Variants in PASK observed in about 807,000 individuals in gnomAD.
PASK encodes PAS domain-containing serine/threonine-protein kinase.
A neutral mutation model predicts 121.0 loss-of-function variants in PASK; 110 were observed. The ratio of observed to expected loss-of-function variants is 0.91; its 90% CI spans 0.78 to 1.06. The LOEUF (loss-of-function observed/expected upper bound fraction) is 1.06. PASK is among the 50% of genes least tolerant of loss of function. The pLI, the probability that PASK is intolerant of heterozygous loss-of-function variation, is 0.00. For synonymous variants in PASK, 686 were observed against 717.8 expected, an observed-to-expected ratio of 0.96 and a Z score of 0.71; for missense variants, 1,643 against 1,702.3, an observed-to-expected ratio of 0.97 and a Z score of 0.61.
intron 6 of PASK, among the ~76,000 whole-genome samples, chr2:241,137,536 AGCAGGGAG>A (rs1189052795): frequency 3.3e-5 from 5 of 150,558 alleles, no homozygotes; most frequent in Admixed American, 6.6e-5. Context: ...GCCGGGCACC[AGCAGGGAG>A]GGAGGGAGGG....
rs529787809 is a variant in PASK at position 241,112,840 on chromosome 2, A to T, written c.3334-401T>A. 155 of 233,830 alleles carry T rather than the reference A, an allele frequency of 6.6e-4. 1 individual carries two copies. The highest frequency in any genetic ancestry group is 1.2e-3 in the Non-Finnish European group (137 of 117,252). 14.5% of individuals were successfully genotyped at this position (233,830 alleles called of 1,614,324 possible). A position where few individuals can be genotyped will look rare whatever the true frequency, so the allele number is the denominator to read the frequency against. ...GTGAATGGGTGCAGGTTTGGTGTTAAGTGGGAAGTACCCAAGAGAAAGCAC... is the reference window on the plus strand; with the variant it reads ...GTGAATGGGTGCAGGTTTGGTGTTATGTGGGAAGTACCCAAGAGAAAGCAC... On this transcript the variant is annotated intron_variant, in intron 14 of 17. Coordinates refer to ENST00000234040, the MANE Select transcript of PASK (RefSeq NM_015148.4). The surrounding 1 kb of genome is among the most constrained non-coding windows in gnomAD (Gnocchi z 5.2).
chr2:241,122,735 CTTG>C lies in PASK; in HGVS notation c.3066_3068del (p.Asn1022del), dbSNP rs1399056087. 1.2e-6 allele frequency: 2 copies of C among 1,613,940 alleles called. No individual in the cohort carries two copies. The highest frequency in any genetic ancestry group is 1.7e-6 in the Non-Finnish European group (2 of 1,179,830). On this transcript the variant is annotated inframe_deletion, in exon 12 of 18. Coordinates refer to ENST00000234040, the MANE Select transcript of PASK (RefSeq NM_015148.4). ...TCCCCCCCCACAGCCAGGTTACCTCCTTGTTTTTTTCCTTGTCCACAGCAGTCC... is the reference window on the plus strand; with the variant it reads ...TCCCCCCCCACAGCCAGGTTACCTCCTTTTTTTCCTTGTCCACAGCAGTCC...
intron 14 of PASK, chr2:241,114,378 C>T: frequency 1.0e-6 from 1 of 986,238 alleles, no homozygotes; most frequent in Non-Finnish European, 1.2e-6. Context: ...GTTGTCTACA[C>T]AGCCCTTTGC....
rs1029039116 is a variant in PASK, at chr2:241,108,937, C to CT, written c.3534-638dup. Reference sequence around the variant, plus strand: ...ACACCCAAAGGACTATTGTTACTTCCTGTCGCCGTAAACATCCTCATCCAC... The same window carrying CT: ...ACACCCAAAGGACTATTGTTACTTCCTTGTCGCCGTAAACATCCTCATCCAC... On this transcript the variant is annotated intron_variant, in intron 15 of 17. Coordinates refer to ENST00000234040, the MANE Select transcript of PASK (RefSeq NM_015148.4). This position sits in a 1 kb window ranked among gnomAD's most constrained non-coding sequence, Gnocchi z 5.2. The CT allele has an allele frequency of 6.3e-5, 10 of 159,450 alleles. No homozygotes were observed. Among genetic ancestry groups the CT allele is most frequent in the African/African-American group, 2.4e-4 (10 of 41,538 alleles). 9.9% of individuals were successfully genotyped at this position (159,450 alleles called of 1,614,324 possible). A position where few individuals can be genotyped will look rare whatever the true frequency, so the allele number is the denominator to read the frequency against.
chr2:241,140,690 A>G lies in PASK; in HGVS notation c.260T>C (p.Leu87Pro). 1 of 1,614,130 alleles carries G rather than the reference A, an allele frequency of 6.2e-7. No homozygotes were observed. The highest frequency in any genetic ancestry group is 1.1e-5 in the South Asian group (1 of 91,078). ...LAAQNICTSK[L>P]HCPAAPEHTD... ...GTGCTCAGGGGCAGCAGGGCAGTGC[A>G]GTTTACTTGTACAAATATTCTGGGC... Residue 87 changes from leucine to proline, a missense_variant, in exon 3 of 18, where the codon CTG (leucine) becomes CCG (proline). By Grantham distance (98) the Leu-to-Pro change is moderately conservative. Transcript: ENST00000234040.
At position 241,126,238 on chromosome 2, in the gene PASK, C is replaced by A; in HGVS notation, c.2677G>T (p.Ala893Ser). Residue 893 changes from alanine (A) to serine (S), a missense_variant, in exon 10 of 18, where the codon GCC becomes TCC. Physicochemically the swap from Ala to Ser is moderately conservative, Grantham distance 99. This residue lies in a region of PASK where 1,176 missense variants were observed against 1,162.2 expected (regional missense o/e 1.01). Coordinates refer to ENST00000234040, the MANE Select transcript of PASK (RefSeq NM_015148.4). ...AGLQREIQEG[A>S]YSGSCYHRDG... ...CGATGGTAGCAGCTCCCGGAGTAGG[C>A]ACCCTCCTGGATCTCCCGCTGCAGG... is the stretch of plus-strand genomic sequence containing the variant. 1.2e-6 allele frequency: 2 copies of A among 1,614,116 alleles called. No individual in the cohort carries two copies. Among genetic ancestry groups the A allele is most frequent in the Non-Finnish European group, 1.7e-6 (2 of 1,180,024 alleles).
Position 241,141,156 on chromosome 2 carries a change from G to A in PASK, c.197-403C>T, listed in dbSNP as rs147254238. On this transcript the variant is annotated intron_variant, in intron 2 of 17. Coordinates refer to ENST00000234040, the MANE Select transcript of PASK (RefSeq NM_015148.4). ...GTAAAAATCAGTTGGGCATAGTGGC[G>A]TGCCCTTGCAGCCCCATCTACTCAG... Among the ~76,000 whole-genome samples the A allele has an allele frequency of 9.7e-4, 148 of 152,232 alleles. 2 individuals are homozygous for A. In the East Asian group the frequency reaches 0.027, roughly 28 times the overall value.
upstream of PASK, chr2:241,149,687 T>G: frequency 6.5e-7 from 1 of 1,549,784 alleles, no homozygotes; most frequent in Non-Finnish European, 8.7e-7. Flanking sequence ...TGCGGTTTCC[T>G]CCCGACTCGC....
chr2:241,138,915 C>T, intron 4 of PASK, 121 bp from the exon 5 acceptor site: 1 of 923,370 alleles, frequency 1.1e-6, no homozygotes, highest in Non-Finnish European at 1.7e-6. Flanking sequence ...TTCTGCTTAC[C>T]TGATTTTCAT....
At chr2:241,149,356 C>CT (rs1007111062) in intron 1 of PASK, 58 bp downstream of exon 1, 16 of 318,646 alleles carry the variant, frequency 5.0e-5, no homozygotes, top group Non-Finnish European at 8.8e-5. Context: ...GCAGGCCCCA[C>CT]AGCCGCCCTG....
chr2:241,106,860 G>C (rs2125397183), intron 17 of PASK, 137 bp from the exon 18 acceptor site: 1 of 846,270 alleles, frequency 1.2e-6, no homozygotes, highest in Middle Eastern at 2.8e-4. Context: ...TGTCCCGGAA[G>C]TACAGATCCT....
chr2:241,106,228 A>C lies in PASK; in HGVS notation c.*338T>G. 1 of 358,870 alleles carries C rather than the reference A, an allele frequency of 2.8e-6. No individual in the cohort carries two copies. Among genetic ancestry groups the C allele is most frequent in the Non-Finnish European group, 5.2e-6 (1 of 192,154 alleles). 22.2% of individuals were successfully genotyped at this position (358,870 alleles called of 1,614,324 possible). ...TCCGTCACTCAGATGAGCATATACC[A>C]AGTCAGAGGAAACAAAACATGCACA... On this transcript the variant is annotated 3_prime_UTR_variant, in exon 18 of 18. Transcript: ENST00000234040.
chr2:241,149,861 C>T, upstream of PASK: 1 of 1,459,320 alleles, frequency 6.9e-7, no homozygotes, highest in Non-Finnish European at 9.0e-7. Context: ...GCCCAGCTGG[C>T]GCCCCGGAGC....
At chr2:241,145,004 C>G (rs1351839257) in intron 1 of PASK, among the ~76,000 whole-genome samples, 1 of 152,174 alleles carries the variant, frequency 6.6e-6, no homozygotes, top group Admixed American at 6.5e-5. Context: ...ACCTCCGCCT[C>G]CCGGGTTCAC....
At chr2:241,146,147 G>A (rs1212052585) in intron 1 of PASK, among the ~76,000 whole-genome samples, 1 of 152,096 alleles carries the variant, frequency 6.6e-6, no homozygotes, top group Non-Finnish European at 1.5e-5. Flanking sequence ...TCAAGAAATA[G>A]GAACAAGCGT....
At chr2:241,149,772 C>T (rs913735709), upstream of PASK, 13 of 1,537,346 alleles carry the variant, frequency 8.5e-6, no homozygotes, top group Admixed American at 2.2e-4. Flanking sequence ...CGGGGCGGCT[C>T]GTTCATGGGC....
upstream of PASK, chr2:241,150,325 G>C (rs1008308817): frequency 1.7e-5 from 22 of 1,323,816 alleles, no homozygotes; most frequent in Non-Finnish European, 2.1e-5. Flanking sequence ...GGCGCGGCGC[G>C]CGGCCTCATG....
chr2:241,130,601 A>G lies in PASK; in HGVS notation c.1463+2273T>C, dbSNP rs376965920. Among the ~76,000 whole-genome samples the G allele has an allele frequency of 6.7e-4, 102 of 152,236 alleles. 1 individual carries two copies. The South Asian group carries it at 0.02, about 29-fold the overall frequency. On this transcript the variant is annotated intron_variant, in intron 9 of 17. Coordinates refer to ENST00000234040, the MANE Select transcript of PASK (RefSeq NM_015148.4). ...AGGTGCGCACAGCAATATTATTCAT[A>G]GTAATATTGAAAACTCACGTGTTGA...
chr2:241,144,163 C>G (rs188066634), intron 1 of PASK, among the ~76,000 whole-genome samples: 50 of 152,134 alleles, frequency 3.3e-4, no homozygotes, highest in Non-Finnish European at 5.7e-4. Context: ...TGTGTGTGCG[C>G]GCATGTGAGC....
Sources: allele counts gnomAD v4.1 joint callset (sites outside exome capture counted in the v4.1 genomes callset), GRCh38; gene constraint gnomAD v4.1.1; regional missense constraint gnomAD v4.1.1; non-coding constraint Gnocchi (gnomAD v3.1); transcripts MANE v1.5; gene names NCBI Gene and HGNC (gene_info 2026-07-23, HGNC 2026-07-21).